Variants in HS3ST4 observed in about 807,000 individuals in gnomAD.
HS3ST4 encodes the protein heparan sulfate-glucosamine 3-sulfotransferase 4, also known as heparan sulfate glucosamine 3-O-sulfotransferase 4.
HS3ST4 carries 17 observed loss-of-function variants against 29.2 expected under a neutral mutation model. The ratio of observed to expected loss-of-function variants is 0.58; its 90% CI spans 0.40 to 0.87. The LOEUF is 0.87. HS3ST4 is among the 40% of genes least tolerant of loss of function. HS3ST4 has a pLI of 0.00. For missense variants in HS3ST4, 627 were observed against 634.5 expected, an observed-to-expected ratio of 0.99 and a Z score of 0.13; for synonymous variants, 314 against 285.7, an observed-to-expected ratio of 1.10 and a Z score of -1.00.
At chr16:26,132,414 TG>T (rs1447725108) in intron 1 of HS3ST4, among the ~76,000 whole-genome samples, 1 of 152,198 alleles carries the variant, frequency 6.6e-6, no homozygotes, top group Non-Finnish European at 1.5e-5. Flanking sequence ...TTCACATTCA[TG>T]GGTAGCATGA....
At chr16:25,961,659 T>C (rs1331154206) in intron 1 of HS3ST4, among the ~76,000 whole-genome samples, 2 of 152,114 alleles carry the variant, frequency 1.3e-5, no homozygotes, top group Non-Finnish European at 2.9e-5. Context: ...CTCATCCCAG[T>C]TCAAACATAG....
chr16:26,056,034 GAGAGAC>G (rs1215227251), intron 1 of HS3ST4, among the ~76,000 whole-genome samples: 11 of 57,592 alleles, frequency 1.9e-4, no homozygotes, highest in African/African-American at 7.1e-4. Context: ...ATGAGAAAGA[GAGAGAC>G]AGAGAGAGAG....
In HS3ST4 at chr16:26,034,930, C is replaced by T. The variant is rs150268772; in HGVS notation, c.735-100682C>T. ...CCCAGGAGGCAGATCTTGCAGTGAGCCATGATCACCCCACTGCACTCCAGC... is the reference window on the plus strand; with the variant it reads ...CCCAGGAGGCAGATCTTGCAGTGAGTCATGATCACCCCACTGCACTCCAGC... On this transcript the variant is annotated intron_variant, in intron 1 of 1. Coordinates refer to ENST00000331351, the MANE Select transcript of HS3ST4 (RefSeq NM_006040.3). 2.5e-3 allele frequency among the ~76,000 whole-genome samples: 378 copies of T among 152,212 alleles called. 3 individuals are homozygous for T. The highest frequency in any genetic ancestry group is 8.8e-3 in the African/African-American group (365 of 41,542).
At chr16:25,994,631 T>C (rs2141730273) in intron 1 of HS3ST4, among the ~76,000 whole-genome samples, 1 of 152,350 alleles carries the variant, frequency 6.6e-6, no homozygotes, top group East Asian at 1.9e-4. Context: ...AAGGCTCACC[T>C]TTTATATGTT....
At chr16:26,011,699 TGTGTGA>T (rs1393951804) in intron 1 of HS3ST4, among the ~76,000 whole-genome samples, 1 of 96,314 alleles carries the variant, frequency 1.0e-5, no homozygotes, top group African/African-American at 7.3e-5. Flanking sequence ...TGTGTGTGTG[TGTGTGA>T]GAGAGAGACA....
At chr16:25,851,859 C>T (rs757631504) in intron 1 of HS3ST4, among the ~76,000 whole-genome samples, 13 of 55,604 alleles carry the variant, frequency 2.3e-4, no homozygotes, top group East Asian at 1.1e-3. Flanking sequence ...TCATGAGAAA[C>T]GCCTAACGAC....
At chr16:26,024,458 G>T (rs117002225) in intron 1 of HS3ST4, among the ~76,000 whole-genome samples, 1 of 152,112 alleles carries the variant, frequency 6.6e-6, no homozygotes, top group East Asian at 1.9e-4. Flanking sequence ...AGGGCTGGGC[G>T]CAGTAGCTTA....
chr16:26,134,905 G>T (rs924538414), intron 1 of HS3ST4, among the ~76,000 whole-genome samples: 11 of 152,172 alleles, frequency 7.2e-5, no homozygotes, highest in African/African-American at 2.7e-4. Context: ...CAGCCTAGAT[G>T]AATATGTAAA....
intron 1 of HS3ST4, among the ~76,000 whole-genome samples, chr16:25,725,713 A>T (rs933373313): frequency 2.1e-4 from 31 of 150,880 alleles, no homozygotes; most frequent in African/African-American, 7.5e-4. Context: ...AAAAATATAG[A>T]TTGCACATTA....
At chr16:25,964,341 C>G (rs374598519) in intron 1 of HS3ST4, among the ~76,000 whole-genome samples, 2 of 152,084 alleles carry the variant, frequency 1.3e-5, no homozygotes, top group Admixed American at 1.3e-4. Context: ...ACACTATACT[C>G]TGCACATGTA....
At chr16:25,741,232 T>G (rs531656085) in intron 1 of HS3ST4, among the ~76,000 whole-genome samples, 1 of 152,234 alleles carries the variant, frequency 6.6e-6, no homozygotes, top group Non-Finnish European at 1.5e-5. Flanking sequence ...TGCTTTTTTA[T>G]TGCTTTAAAT....
At chr16:25,828,303 T>TCC (rs1967253922) in intron 1 of HS3ST4, among the ~76,000 whole-genome samples, 3 of 64,768 alleles carry the variant, frequency 4.6e-5, no homozygotes, top group Admixed American at 1.9e-4. Context: ...TTTCTTTCCC[T>TCC]CTCTCTCTCT....
intron 1 of HS3ST4, among the ~76,000 whole-genome samples, chr16:26,067,665 C>T (rs1224032329): frequency 6.6e-6 from 1 of 152,148 alleles, no homozygotes; most frequent in African/African-American, 2.4e-5. Context: ...CTTTACATCT[C>T]CAGAAAAGAC....
At chr16:26,025,094 A>G (rs1969454503) in intron 1 of HS3ST4, 1 of 151,946 alleles carries the variant, frequency 6.6e-6, no homozygotes, top group African/African-American at 2.4e-5. Flanking sequence ...TGTTGCTTTT[A>G]TATAGATTTG....
chr16:26,135,922 C>G lies in HS3ST4; in HGVS notation c.1045C>G (p.Leu349Val). 6.2e-7 allele frequency: 1 copy of G among 1,613,996 alleles called. No individual in the cohort carries two copies. Residue 349 changes from leucine to valine, a missense_variant, in exon 2 of 2, where the codon CTC (leucine) becomes GTC (valine). Physicochemically the swap from Leu to Val is conservative, Grantham distance 32 (BLOSUM62 1). Transcript: ENST00000331351. ...GGAAAACTGGCTCCAGTATTTCCCCCTCTCCCAGATCCTCTTTGTCAGTGG... is the reference window on the plus strand; with the variant it reads ...GGAAAACTGGCTCCAGTATTTCCCCGTCTCCCAGATCCTCTTTGTCAGTGG... The part of the protein sequence containing the change: ...HLENWLQYFP[L>V]SQILFVSGER...
chr16:26,125,393 A>T lies in HS3ST4; in HGVS notation c.735-10219A>T, dbSNP rs1231669622. ...CCTAGATCTCTTGCTTCCGCAGTTC[A>T]CAATAGGGTTCACACTCCTATGAGA... On this transcript the variant is annotated intron_variant, in intron 1 of 1. Coordinates refer to ENST00000331351, the MANE Select transcript of HS3ST4 (RefSeq NM_006040.3). Among the ~76,000 whole-genome samples the T allele has an allele frequency of 2.0e-5, 3 of 152,198 alleles. No individual in the cohort carries two copies. The East Asian group carries it at 5.8e-4, about 29-fold the overall frequency.
chr16:25,965,942 G>A (rs1036531123), intron 1 of HS3ST4, among the ~76,000 whole-genome samples: 1 of 152,164 alleles, frequency 6.6e-6, no homozygotes, highest in African/African-American at 2.4e-5. Flanking sequence ...GCCTCCCAAA[G>A]TGCTGGGATT....
rs1460941148 is a variant in HS3ST4 at position 25,855,188 on chromosome 16, A to G, written c.734+162037A>G. 3.3e-5 allele frequency among the ~76,000 whole-genome samples: 5 copies of G among 152,178 alleles called. No homozygotes were observed. In the East Asian group the frequency reaches 5.8e-4, roughly 18 times the overall value. On this transcript the variant is annotated intron_variant, in intron 1 of 1. Transcript: ENST00000331351. ...GGCAGTTGGTTGAAAGAGTTAAGCT[A>G]GGACTTGAAGATGGTAGAAAAAAAT...
chr16:25,724,092 G>A (rs1251096993), intron 1 of HS3ST4, among the ~76,000 whole-genome samples: 3 of 131,898 alleles, frequency 2.3e-5, no homozygotes, highest in Non-Finnish European at 3.1e-5. Context: ...CCAGCCTGGC[G>A]ACAGAGCGAG....
Sources: gnomAD v4.1 joint callset for allele counts (sites outside exome capture counted in the v4.1 genomes callset) on GRCh38, gnomAD v4.1.1 for gene constraint, MANE v1.5 for transcripts, NCBI Gene and HGNC (gene_info 2026-07-23, HGNC 2026-07-21) for gene names.